MCTP1: variants seen among roughly 807,000 people sequenced by gnomAD.
MCTP1 encodes multiple C2 and transmembrane domain containing 1.
A neutral mutation model predicts 120.6 loss-of-function variants in MCTP1; 69 were observed. That is an observed-to-expected ratio of 0.57 (90% CI 0.47 to 0.70). The LOEUF (loss-of-function observed/expected upper bound fraction) is 0.70. Ranked by LOEUF, MCTP1 falls within the 30% of genes least tolerant of loss-of-function variation. The pLI is 0.00. For missense variants in MCTP1, 1,203 were observed against 1,248.8 expected (o/e 0.96, Z 0.55); for synonymous variants, 529 against 493.1 (o/e 1.07, Z -0.96).
At position 94,726,614 on chromosome 5, in the gene MCTP1, A is replaced by G. The variant is rs2152678818; in HGVS notation, c.2611-11728T>C. Among the ~76,000 whole-genome samples, 3 of 152,282 alleles carry G rather than the reference A, an allele frequency of 2.0e-5. No homozygotes were observed. In the South Asian group the frequency reaches 6.2e-4, roughly 32 times the overall value. The stretch of plus-strand genomic sequence containing the variant: ...TTTCTTAAATAGATTTGTTATGAAA[A>G]TAATCACATCTTTTATAGGACTTTA... On this transcript the variant is annotated intron_variant, in intron 19 of 22. Coordinates refer to ENST00000515393, the MANE Select transcript of MCTP1 (RefSeq NM_024717.7).
intron 20 of MCTP1, among the ~76,000 whole-genome samples, chr5:94,711,868 T>TAATC (rs796443666): frequency 4.6e-5 from 7 of 152,278 alleles, no homozygotes; most frequent in African/African-American, 1.7e-4. Flanking sequence ...GGGAAGATTA[T>TAATC]AATCACTTAA....
intron 12 of MCTP1, among the ~76,000 whole-genome samples, chr5:94,874,676 C>G (rs1798460777): frequency 6.6e-6 from 1 of 151,994 alleles, no homozygotes; most frequent in Non-Finnish European, 1.5e-5. Flanking sequence ...TATCCTCTTG[C>G]CTACATGTTA....
At chr5:94,939,492 T>G (rs1418356480) in intron 5 of MCTP1, among the ~76,000 whole-genome samples, 2 of 152,014 alleles carry the variant, frequency 1.3e-5, no homozygotes, top group African/African-American at 4.8e-5. Context: ...CCACTTCAAC[T>G]GTGGGGGAGT....
rs529133826 is a variant in MCTP1 at position 95,152,300 on chromosome 5, T to G, written c.720+131556A>C. 5.3e-5 allele frequency among the ~76,000 whole-genome samples: 8 copies of G among 152,324 alleles called. No individual in the cohort carries two copies. The South Asian group carries it at 1.7e-3, about 32-fold the overall frequency. On this transcript the variant is annotated intron_variant, in intron 1 of 22. Coordinates refer to ENST00000515393, the MANE Select transcript of MCTP1 (RefSeq NM_024717.7). ...TTCCACTATTTTTGCATTTTCAAAT[T>G]AGGCATGCAATGGAAATGAGCTTGG...
rs77400410 is a variant in MCTP1 at position 94,909,996 on chromosome 5, C to T, written c.1522-615G>A. ...ACCTAGAGTTTAAGTGACACACCTA[C>T]GGTCAGTATGTTTTAGTATCTAGAC... On this transcript the variant is annotated intron_variant, in intron 9 of 22. Transcript: ENST00000515393. Among the ~76,000 whole-genome samples the T allele has an allele frequency of 3.0e-3, 459 of 152,016 alleles. 14 individuals are homozygous for T. The East Asian group carries it at 0.071, about 23-fold the overall frequency.
chr5:94,817,467 A>T (rs1220244124), intron 17 of MCTP1, among the ~76,000 whole-genome samples: 1 of 152,092 alleles, frequency 6.6e-6, no homozygotes, highest in African/African-American at 2.4e-5. Context: ...ATGCAGAAGG[A>T]GTTGAAACTT....
chr5:95,257,275 C>T (rs756184583), intron 1 of MCTP1, among the ~76,000 whole-genome samples: 1 of 152,194 alleles, frequency 6.6e-6, no homozygotes, highest in Middle Eastern at 3.4e-3. Context: ...ACAGGCACTT[C>T]ATGAGTACTA....
chr5:94,711,143 A>C (rs1756811913), intron 20 of MCTP1, among the ~76,000 whole-genome samples: 1 of 152,044 alleles, frequency 6.6e-6, no homozygotes, highest in Non-Finnish European at 1.5e-5. Flanking sequence ...CACCTCCTCC[A>C]GATTGTTCCA....
intron 2 of MCTP1, among the ~76,000 whole-genome samples, chr5:94,959,931 T>A (rs1269817200): frequency 1.3e-5 from 2 of 152,132 alleles, no homozygotes; most frequent in African/African-American, 4.8e-5. Flanking sequence ...TTAAATTTTA[T>A]ATGGAACCAA....
chr5:95,067,386 C>T (rs562502106), intron 1 of MCTP1, among the ~76,000 whole-genome samples: 2 of 152,240 alleles, frequency 1.3e-5, no homozygotes, highest in South Asian at 2.1e-4. Context: ...TGAAACCTCA[C>T]ATTCTATCAC....
At chr5:94,958,807 C>A (rs945144700) in intron 2 of MCTP1, among the ~76,000 whole-genome samples, 1 of 152,166 alleles carries the variant, frequency 6.6e-6, no homozygotes, top group South Asian at 2.1e-4. Flanking sequence ...AACCCATGAC[C>A]AGATGGATTC....
chr5:94,761,814 T>TA (rs1771415936), intron 19 of MCTP1, among the ~76,000 whole-genome samples: 1 of 152,228 alleles, frequency 6.6e-6, no homozygotes, highest in Admixed American at 6.5e-5. Context: ...GCTTGACTAC[T>TA]AAGACAATGT....
At chr5:95,062,733 A>G (rs1470604500) in intron 1 of MCTP1, among the ~76,000 whole-genome samples, 2 of 152,218 alleles carry the variant, frequency 1.3e-5, no homozygotes, top group Non-Finnish European at 2.9e-5. Flanking sequence ...GTGTACTGCA[A>G]ATGATGGCGA....
intron 17 of MCTP1, among the ~76,000 whole-genome samples, chr5:94,813,210 T>C (rs1382892177): frequency 6.6e-6 from 1 of 152,146 alleles, no homozygotes; most frequent in African/African-American, 2.4e-5. Flanking sequence ...AATAAGCACA[T>C]GAAAAGATGT....
chr5:95,018,818 C>A (rs1192844491), intron 1 of MCTP1, among the ~76,000 whole-genome samples: 2 of 151,976 alleles, frequency 1.3e-5, no homozygotes, highest in Non-Finnish European at 2.9e-5. Context: ...TCTTTCAATT[C>A]CTATTACCAC....
chr5:95,242,445 T>G (rs1426524970), intron 1 of MCTP1, among the ~76,000 whole-genome samples: 2 of 152,152 alleles, frequency 1.3e-5, no homozygotes, highest in African/African-American at 4.8e-5. Context: ...ATAATAAATT[T>G]TATATTTCTG....
chr5:94,976,107 T>C (rs1047248294), intron 2 of MCTP1, among the ~76,000 whole-genome samples: 4 of 152,216 alleles, frequency 2.6e-5, no homozygotes, highest in Admixed American at 2.6e-4. Context: ...ACTATGATAC[T>C]AAGTACTTAA....
intron 1 of MCTP1, among the ~76,000 whole-genome samples, chr5:95,140,552 T>A (rs1196985869): frequency 6.6e-6 from 1 of 151,946 alleles, no homozygotes; most frequent in Non-Finnish European, 1.5e-5. Flanking sequence ...TTTGGGCTAT[T>A]TTTTTGCTTT....
At chr5:95,189,486 G>A (rs567836311) in intron 1 of MCTP1, among the ~76,000 whole-genome samples, 1 of 152,248 alleles carries the variant, frequency 6.6e-6, no homozygotes, top group Non-Finnish European at 1.5e-5. Flanking sequence ...GTGTCGGTAT[G>A]GTTGTAAGAC....
Sources: gnomAD v4.1 joint callset for allele counts (sites outside exome capture counted in the v4.1 genomes callset) on GRCh38, gnomAD v4.1.1 for gene constraint, MANE v1.5 for transcripts, NCBI Gene and HGNC (gene_info 2026-07-23, HGNC 2026-07-21) for gene names.